LPA: variants seen among roughly 807,000 people sequenced by gnomAD.
LPA encodes the protein lipoprotein(a).
In LPA, 199 loss-of-function variants were observed where a neutral mutation model predicts 197.9. The ratio of observed to expected loss-of-function variants is 1.01; its 90% CI spans 0.90 to 1.13. LPA has a LOEUF of 1.13. Ranked by LOEUF, LPA falls within the 50% of genes most tolerant of loss-of-function variation. LPA has a pLI of 0.00. For synonymous variants in LPA, 715 were observed against 639.5 expected, an observed-to-expected ratio of 1.12 and a Z score of -1.78; for missense variants, 1,853 against 1,785.8, an observed-to-expected ratio of 1.04 and a Z score of -0.68.
chr6:160,599,978 C>T (rs1436492776), intron 19 of LPA, among the ~76,000 whole-genome samples: 1 of 152,142 alleles, frequency 6.6e-6, no homozygotes, highest in Non-Finnish European at 1.5e-5. Context: ...TTCATGACGA[C>T]ATGGAACAGC....
At chr6:160,585,574 G>A (rs1323004429) in intron 25 of LPA, among the ~76,000 whole-genome samples, 3 of 152,082 alleles carry the variant, frequency 2.0e-5, no homozygotes, top group Non-Finnish European at 4.4e-5. Flanking sequence ...TCAGGCTATA[G>A]GTGGTGATTG....
At chr6:160,572,014 A>T (rs908254998) in intron 28 of LPA, among the ~76,000 whole-genome samples, 3 of 152,188 alleles carry the variant, frequency 2.0e-5, no homozygotes, top group Admixed American at 6.5e-5. Flanking sequence ...GTAGGCACCC[A>T]AGGGAATCTC....
At chr6:160,531,917 G>A (rs1777813626) in intron 38 of LPA, 27 bp from the exon 39 acceptor site, 1 of 1,613,600 alleles carries the variant, frequency 6.2e-7, no homozygotes, top group Admixed American at 1.7e-5. Flanking sequence ...GAAAATTCAT[G>A]TGAGCTTTAA....
chr6:160,590,365 A>T (rs1410828223), intron 23 of LPA, among the ~76,000 whole-genome samples: 3 of 152,210 alleles, frequency 2.0e-5, no homozygotes, highest in Non-Finnish European at 4.4e-5. Flanking sequence ...GAGGGGCAAG[A>T]ACACTAAGAA....
At chr6:160,656,380 AATAAGT>A (rs1352860750) in intron 1 of LPA, among the ~76,000 whole-genome samples, 2 of 152,202 alleles carry the variant, frequency 1.3e-5, no homozygotes, top group African/African-American at 4.8e-5. Flanking sequence ...TCTGCCAGCT[AATAAGT>A]ATGTCTATAC....
rs1778878712 is a variant in LPA, at chr6:160,584,961, C to G, written c.4289+85G>C. The G allele has an allele frequency of 2.8e-6, 4 of 1,417,468 alleles. No individual in the cohort carries two copies. In the South Asian group the frequency reaches 3.5e-5, roughly 12 times the overall value. 87.8% of individuals were successfully genotyped at this position (1,417,468 alleles called of 1,614,324 possible). A position where few individuals can be genotyped will look rare whatever the true frequency, so the allele number is the denominator to read the frequency against. On this transcript the variant is annotated intron_variant, in intron 26 of 38. Transcript: ENST00000316300. ...CTCTGAGTCTATGAGAAATTTGGAC[C>G]TAGGAAGTGAGCTTGTAGCATGGGC...
intron 28 of LPA, among the ~76,000 whole-genome samples, chr6:160,561,613 AATGGT>A (rs1041426210): frequency 3.3e-5 from 5 of 152,222 alleles, no homozygotes; most frequent in African/African-American, 1.2e-4. Context: ...TGAAGAAATC[AATGGT>A]AGCTTGATGG....
chr6:160,553,954 T>TGTGTGTGTGTGTGTGCGC (rs771903485), intron 30 of LPA, among the ~76,000 whole-genome samples: 8,168 of 130,446 alleles, frequency 0.063, 276 homozygotes, highest in South Asian at 0.096. Context: ...TGTGTGTGTG[T>TGTGTGTGTGTGTGTGCGC]GCGCGCGCGC....
At chr6:160,603,189 C>T (rs1371408618) in intron 18 of LPA, among the ~76,000 whole-genome samples, 1 of 150,740 alleles carries the variant, frequency 6.6e-6, no homozygotes, top group Non-Finnish European at 1.5e-5. Flanking sequence ...ATTTTCCCGC[C>T]TGTCTGTGAG....
At chr6:160,537,767 T>C in intron 37 of LPA, 88 bp downstream of exon 37, 1 of 1,247,116 alleles carries the variant, frequency 8.0e-7, no homozygotes, top group South Asian at 1.3e-5. Flanking sequence ...GGGTAGGAAT[T>C]TGTACAACTA....
intron 26 of LPA, among the ~76,000 whole-genome samples, chr6:160,580,568 C>T (rs1030256491): frequency 6.6e-6 from 1 of 152,166 alleles, no homozygotes; most frequent in African/African-American, 2.4e-5. Context: ...AAATCGGTGA[C>T]ACCACTTATT....
chr6:160,560,833 T>C (rs966776443), intron 28 of LPA, among the ~76,000 whole-genome samples: 1 of 152,172 alleles, frequency 6.6e-6, no homozygotes, highest in Non-Finnish European at 1.5e-5. Flanking sequence ...GGTTTTGCTG[T>C]TTTAGTCATG....
intron 24 of LPA, among the ~76,000 whole-genome samples, chr6:160,587,801 T>TGTGTGTGTGTGTGTGTGTGTGTTTCTG (rs1562333102): frequency 1.3e-5 from 1 of 79,636 alleles, no homozygotes; most frequent in Admixed American, 1.1e-4. Context: ...GTGTGTGTGT[T>TGTGTGTGTGTGTGTGTGTGTGTTTCTG]TCTGTCTGTT....
At chr6:160,556,438 A>G (rs1778264845) in intron 29 of LPA, among the ~76,000 whole-genome samples, 2 of 152,146 alleles carry the variant, frequency 1.3e-5, no homozygotes, top group African/African-American at 4.8e-5. Flanking sequence ...ACAAAGACTC[A>G]TGTGCAAGCT....
In LPA at chr6:160,651,970, C is replaced by T. The variant is rs1345629401; in HGVS notation, c.50-1473G>A. 2.0e-5 allele frequency among the ~76,000 whole-genome samples: 3 copies of T among 149,750 alleles called. No individual in the cohort carries two copies. In the East Asian group the frequency reaches 5.8e-4, roughly 29 times the overall value. On this transcript the variant is annotated intron_variant, in intron 1 of 38. Transcript: ENST00000316300. The stretch of plus-strand genomic sequence containing the variant: ...AATCCATAAACTTGAACATAGTCTA[C>T]TAGAACTTATCCAAACCAACACAGA...
chr6:160,574,724 C>A (rs1778624086), intron 28 of LPA, among the ~76,000 whole-genome samples: 1 of 152,214 alleles, frequency 6.6e-6, no homozygotes, highest in Admixed American at 6.5e-5. Context: ...CCCTTTTCCA[C>A]TTCTGCAGTT....
chr6:160,531,854 C>T lies in LPA; in HGVS notation c.5998G>A (p.Asp2000Asn). 6.2e-7 allele frequency: 1 copy of T among 1,614,102 alleles called. No individual in the cohort carries two copies. The highest frequency in any genetic ancestry group is 1.3e-5 in the African/African-American group (1 of 75,020). The stretch of plus-strand genomic sequence containing the variant: ...GTGACTCCTTGTAAAATGTATTTGT[C>T]CTTCTCGAAGCAAACCAGAGGCCCT... ...SGGPLVCFEK[D>N]KYILQGVTSW... The change falls in exon 39 of 39, where the codon GAC becomes AAC. Residue 2000 changes from aspartate to asparagine, a missense_variant. Around this residue, in one of 3 missense-constraint regions of LPA, gnomAD observed 1,737 missense variants for 1,504.4 expected, o/e 1.15. Coordinates refer to ENST00000316300, the MANE Select transcript of LPA (RefSeq NM_005577.4).
intron 2 of LPA, among the ~76,000 whole-genome samples, chr6:160,646,874 A>T (rs188318840): frequency 1.3e-5 from 2 of 151,082 alleles, no homozygotes; most frequent in East Asian, 1.9e-4. Flanking sequence ...TTCAGAGAAA[A>T]CATGGCATCA....
intron 28 of LPA, among the ~76,000 whole-genome samples, chr6:160,561,516 G>C (rs1051023711): frequency 9.2e-5 from 14 of 152,290 alleles, no homozygotes; most frequent in African/African-American, 2.9e-4. Flanking sequence ...GATGCCTCCA[G>C]CTTTGTTCTT....
Sources: gnomAD v4.1 joint callset for allele counts (sites outside exome capture counted in the v4.1 genomes callset) on GRCh38, gnomAD v4.1.1 for gene constraint, gnomAD v4.1.1 regional missense constraint, MANE v1.5 for transcripts, NCBI Gene and HGNC (gene_info 2026-07-23, HGNC 2026-07-21) for gene names.